The following FBXL19 variants were observed in gnomAD, a reference collection of about 807,000 sequenced individuals.
FBXL19 encodes F-box and leucine rich repeat protein 19.
FBXL19 carries 16 observed loss-of-function variants against 71.2 expected under a neutral mutation model. The ratio of observed to expected loss-of-function variants is 0.22; its 90% CI spans 0.15 to 0.34. The LOEUF (loss-of-function observed/expected upper bound fraction) is 0.34, where lower values mean the gene tolerates loss of function less well. Ranked by LOEUF, FBXL19 falls within the 10% of genes least tolerant of loss-of-function variation. FBXL19 has a pLI of 1.00. For missense variants in FBXL19, 658 were observed against 968.2 expected, an observed-to-expected ratio of 0.68 and a Z score of 4.25; for synonymous variants, 447 against 409.4, an observed-to-expected ratio of 1.09 and a Z score of -1.11.
chr16:30,942,047 G>T lies in FBXL19; in HGVS notation c.1302-69G>T. 1 of 1,443,258 alleles carries T rather than the reference G, an allele frequency of 6.9e-7. No individual in the cohort carries two copies. The highest frequency in any genetic ancestry group is 2.7e-5 in the Admixed American group (1 of 36,758). The allele number at this position is 1,443,258 out of a possible 1,614,324, so 89.4% of individuals were successfully genotyped here. On this transcript the variant is annotated intron_variant, in intron 7 of 10. Transcript: ENST00000338343. The surrounding 1 kb of genome is among the most constrained non-coding windows in gnomAD (Gnocchi z 5.7). ...AGCTGGGGTGCACCCTTGGAGCTGG[G>T]GAGCCTGGGAACTGTGGGCTGCTGA...
Position 30,930,269 on chromosome 16 carries a change from A to AGGCCCGGAATGGGCGACGGCC in FBXL19, c.987_1007dup (p.Asn332_Arg338dup). 1 of 1,612,718 alleles carries AGGCCCGGAATGGGCGACGGCC rather than the reference A, an allele frequency of 6.2e-7. No individual in the cohort carries two copies. Among genetic ancestry groups the AGGCCCGGAATGGGCGACGGCC allele is most frequent in the Non-Finnish European group, 8.5e-7 (1 of 1,179,756 alleles). ...CTGAGTGAGGACGAAGCCCCCGGCG[A>AGGCCCGGAATGGGCGACGGCC]GGCCCGGAATGGGCGACGGCCAGCC... On this transcript the variant is annotated inframe_insertion, in exon 7 of 11. Transcript: ENST00000338343. The surrounding 1 kb of genome is among the most constrained non-coding windows in gnomAD (Gnocchi z 8.5).
chr16:30,927,977 C>G lies in FBXL19; in HGVS notation c.627+14C>G. On this transcript the variant is annotated intron_variant, in intron 5 of 10. Coordinates refer to ENST00000338343, the MANE Select transcript of FBXL19 (RefSeq NM_001382779.1). ...CCAAGGAAAAAGGTGAGCCACGGAG[C>G]ACGCTCACTAGGCTTGTCCTGAGGA... 6.9e-7 allele frequency: 1 copy of G among 1,456,042 alleles called. No homozygotes were observed. The highest frequency in any genetic ancestry group is 9.1e-7 in the Non-Finnish European group (1 of 1,097,304). The allele number at this position is 1,456,042 out of a possible 1,614,324, so 90.2% of individuals were successfully genotyped here. A position where few individuals can be genotyped will look rare whatever the true frequency, so the allele number is the denominator to read the frequency against.
intron 7 of FBXL19, among the ~76,000 whole-genome samples, chr16:30,932,626 C>T (rs1030978323): frequency 6.6e-6 from 1 of 152,096 alleles, no homozygotes; most frequent in Non-Finnish European, 1.5e-5. Context: ...TGTATGAATA[C>T]TCACCTTTTG....
intron 5 of FBXL19, 128 bp downstream of exon 5, chr16:30,928,091 T>C: frequency 1.7e-6 from 1 of 605,402 alleles, no homozygotes; most frequent in Non-Finnish European, 2.7e-6. Context: ...TGTTGGGAGA[T>C]GTAGTTCAGG....
At chr16:30,938,865 T>C (rs1032053673) in intron 7 of FBXL19, among the ~76,000 whole-genome samples, 6 of 151,948 alleles carry the variant, frequency 3.9e-5, no homozygotes, top group Non-Finnish European at 8.8e-5. Context: ...CTCCATCTCC[T>C]GATCTCGTGA....
intron 7 of FBXL19, among the ~76,000 whole-genome samples, chr16:30,935,352 C>T (rs541836110): frequency 6.6e-6 from 1 of 152,106 alleles, no homozygotes; most frequent in Non-Finnish European, 1.5e-5. Context: ...GCTGGAGAGG[C>T]GTGTGTAGGG....
At chr16:30,943,475 C>T (rs905553546) in intron 9 of FBXL19, among the ~76,000 whole-genome samples, 3 of 148,784 alleles carry the variant, frequency 2.0e-5, no homozygotes, top group African/African-American at 5.0e-5. Context: ...CCCGGGTTCA[C>T]GCCATTCTCC....
intron 9 of FBXL19, among the ~76,000 whole-genome samples, chr16:30,944,171 T>C (rs2055832138): frequency 1.7e-5 from 1 of 58,590 alleles, no homozygotes; most frequent in African/African-American, 7.0e-5. Context: ...AGGTGGGCCT[T>C]TTTTTTTTTT....
At position 30,925,647 on chromosome 16, in the gene FBXL19, G is replaced by C; in HGVS notation, c.-24-84G>C. 3 of 1,349,738 alleles carry C rather than the reference G, an allele frequency of 2.2e-6. No individual in the cohort carries two copies. The highest frequency in any genetic ancestry group is 2.9e-6 in the Non-Finnish European group (3 of 1,050,000). The allele number at this position is 1,349,738 out of a possible 1,614,324, so 83.6% of individuals were successfully genotyped here. The stretch of plus-strand genomic sequence containing the variant: ...CTGAGGAAGAGGGCAGGCTCTAGCT[G>C]CCTGTAGGTGGAGGGACCTGTCAGG... On this transcript the variant is annotated intron_variant, in intron 1 of 10. Transcript: ENST00000338343. This position sits in a 1 kb window ranked among gnomAD's most constrained non-coding sequence, Gnocchi z 5.0.
At chr16:30,928,037 G>C in intron 5 of FBXL19, 74 bp downstream of exon 5, 1 of 1,051,024 alleles carries the variant, frequency 9.5e-7, no homozygotes, top group South Asian at 1.7e-5. Flanking sequence ...GGTTCTGTGG[G>C]GCTGTGTGGG....
In FBXL19 at chr16:30,927,926, G is replaced by C; in HGVS notation, c.590G>C (p.Arg197Thr). Residue 197 changes from arginine to threonine, a missense_variant, in exon 5 of 11, where the codon AGG becomes ACG. Transcript: ENST00000338343. ...CCTGGGCCCCCCAAACGAAAGGAAAGGGAGGCAGGGAATGAGCCTCCCACC... is the reference window on the plus strand; with the variant it reads ...CCTGGGCCCCCCAAACGAAAGGAAACGGAGGCAGGGAATGAGCCTCCCACC... The part of the protein sequence containing the change: ...DVPGPPKRKE[R>T]EAGNEPPTPR... The C allele has an allele frequency of 1.3e-6, 2 of 1,542,300 alleles. No individual in the cohort carries two copies. The highest frequency in any genetic ancestry group is 1.7e-6 in the Non-Finnish European group (2 of 1,152,258).
In FBXL19 at chr16:30,924,599, T is replaced by G. The variant is rs570053937; in HGVS notation, c.-25+140T>G. ...CAAACTCATCTCCAGCCCTCCTTCC[T>G]ATGACCTCTCCACCCTGGGGAACTG... On this transcript the variant is annotated intron_variant, in intron 1 of 10. Transcript: ENST00000338343. 20 of 1,358,758 alleles carry G rather than the reference T, an allele frequency of 1.5e-5. No homozygotes were observed. The South Asian group carries it at 3.5e-4, about 24-fold the overall frequency. The allele number at this position is 1,358,758 out of a possible 1,614,324, so 84.2% of individuals were successfully genotyped here. A position where few individuals can be genotyped will look rare whatever the true frequency, so the allele number is the denominator to read the frequency against.
chr16:30,932,213 T>C (rs975335821), intron 7 of FBXL19, among the ~76,000 whole-genome samples: 2 of 152,188 alleles, frequency 1.3e-5, no homozygotes, highest in African/African-American at 4.8e-5. Context: ...GAGCTCTCAT[T>C]GTAGCCAGTA....
chr16:30,937,440 G>A (rs1238861425), intron 7 of FBXL19, among the ~76,000 whole-genome samples: 7 of 151,986 alleles, frequency 4.6e-5, no homozygotes, highest in Non-Finnish European at 8.8e-5. Flanking sequence ...CAGTTACTGC[G>A]GACTGTCCAT....
chr16:30,930,463 C>G lies in FBXL19; in HGVS notation c.1180C>G (p.Leu394Val). 2 of 1,534,724 alleles carry G rather than the reference C, an allele frequency of 1.3e-6. No individual in the cohort carries two copies. The highest frequency in any genetic ancestry group is 2.4e-5 in the South Asian group (2 of 83,836). The change falls in exon 7 of 11, where the codon CTC (leucine) becomes GTC (valine). Residue 394 changes from leucine (L) to valine (V), a missense_variant. Physicochemically the swap from Leu to Val is conservative, Grantham distance 32. Coordinates refer to ENST00000338343, the MANE Select transcript of FBXL19 (RefSeq NM_001382779.1). This position sits in a 1 kb window ranked among gnomAD's most constrained non-coding sequence, Gnocchi z 8.5. ...PPPRSPEPDT[L>V]PLAAGSDHPL... Reference sequence around the variant, plus strand: ...GCCTCGAAGCCCTGAGCCCGACACACTCCCCTTGGCTGCTGGATCCGACCA... The same window carrying G: ...GCCTCGAAGCCCTGAGCCCGACACAGTCCCCTTGGCTGCTGGATCCGACCA...
chr16:30,933,381 C>T (rs2055696550), intron 7 of FBXL19, among the ~76,000 whole-genome samples: 1 of 152,130 alleles, frequency 6.6e-6, no homozygotes, highest in Non-Finnish European at 1.5e-5. Context: ...TCAGGTGATT[C>T]ACCCACCTTG....
At chr16:30,936,909 A>AT (rs1432133741) in intron 7 of FBXL19, among the ~76,000 whole-genome samples, 1 of 147,570 alleles carries the variant, frequency 6.8e-6, no homozygotes, top group African/African-American at 2.5e-5. Context: ...CACCCAGCTA[A>AT]TTTTTGTATT....
chr16:30,924,733 A>T (rs1037158480), intron 1 of FBXL19: 7 of 1,494,398 alleles, frequency 4.7e-6, no homozygotes, highest in Admixed American at 5.4e-5. Flanking sequence ...AGCCCCATGG[A>T]TGGGTATGAA....
upstream of FBXL19, chr16:30,923,167 G>C (rs1012649703): frequency 4.4e-6 from 2 of 456,582 alleles, no homozygotes; most frequent in African/African-American, 4.0e-5. Flanking sequence ...CACACACGCG[G>C]AGGGTTGTGG....
Sources: gnomAD v4.1 joint callset for allele counts (sites outside exome capture counted in the v4.1 genomes callset) on GRCh38, gnomAD v4.1.1 for gene constraint, Gnocchi (gnomAD v3.1) non-coding constraint, MANE v1.5 for transcripts, NCBI Gene and HGNC (gene_info 2026-07-23, HGNC 2026-07-21) for gene names.